Variants in MAPK9 observed in about 807,000 individuals in gnomAD.
MAPK9 encodes Jun kinase.
MAPK9 carries 30 observed loss-of-function variants against 57.1 expected under a neutral mutation model. The observed-to-expected ratio is 0.53, with a 90% CI of 0.39 to 0.71. MAPK9 has a LOEUF of 0.71. MAPK9 is among the 30% of genes least tolerant of loss of function. The pLI is 0.00. For synonymous variants in MAPK9, 155 were observed against 177.0 expected, an observed-to-expected ratio of 0.88 and a Z score of 0.99; for missense variants, 362 against 521.0, an observed-to-expected ratio of 0.69 and a Z score of 2.97.
chr5:180,258,367 G>C (rs909457238), intron 5 of MAPK9: 1 of 152,268 alleles, frequency 6.6e-6, no homozygotes, highest in Non-Finnish European at 1.5e-5. Context: ...AAGACATAAA[G>C]AGCTCACAAT....
At chr5:180,279,821 C>T (rs572039062) in intron 2 of MAPK9, 181 of 456,450 alleles carry the variant, frequency 4.0e-4, no homozygotes, top group Non-Finnish European at 6.6e-4. Context: ...GATGCTGCGG[C>T]GGCTGACCGT....
intron 11 of MAPK9, 199 bp from the exon 12 acceptor site, chr5:180,236,725 C>T (rs1323836673): frequency 2.2e-6 from 1 of 462,528 alleles, no homozygotes; most frequent in Non-Finnish European, 3.8e-6. Flanking sequence ...TCCCATATTC[C>T]TATGTCTTTC....
At chr5:180,246,497 A>G (rs1758115888) in intron 7 of MAPK9, 1 of 152,246 alleles carries the variant, frequency 6.6e-6, no homozygotes, top group African/African-American at 2.4e-5. Flanking sequence ...GATACATACA[A>G]AACACTGACT....
chr5:180,239,649 T>A (rs898202426), intron 10 of MAPK9, among the ~76,000 whole-genome samples: 2 of 152,218 alleles, frequency 1.3e-5, no homozygotes, highest in Non-Finnish European at 2.9e-5. Flanking sequence ...TATGATACAA[T>A]TACTAAGCTC....
intron 11 of MAPK9, 118 bp downstream of exon 11, chr5:180,238,214 G>A: frequency 1.5e-6 from 1 of 683,470 alleles, no homozygotes; most frequent in South Asian, 1.7e-5. Flanking sequence ...AGGTTGCAGT[G>A]AGCAGAGATC....
intron 1 of MAPK9, 128 bp downstream of exon 1, chr5:180,291,720 G>T (rs1254953103): frequency 2.7e-5 from 4 of 150,526 alleles, no homozygotes; most frequent in Non-Finnish European, 5.9e-5. Flanking sequence ...GGCGACGGCT[G>T]CGGCTGCCAG....
intron 1 of MAPK9, among the ~76,000 whole-genome samples, chr5:180,281,948 C>A (rs1220151394): frequency 2.6e-5 from 4 of 152,212 alleles, no homozygotes; most frequent in Non-Finnish European, 5.9e-5. Context: ...GCAGGAGTCT[C>A]AGTCCCGTGT....
intron 9 of MAPK9, 48 bp from the exon 10 acceptor site, chr5:180,240,035 A>G: frequency 6.8e-7 from 1 of 1,464,166 alleles, no homozygotes; most frequent in Non-Finnish European, 9.5e-7. Flanking sequence ...CTCAAAAAAA[A>G]ATGAGGCACT....
chr5:180,276,720 G>A (rs973489136), intron 2 of MAPK9, among the ~76,000 whole-genome samples: 2 of 152,160 alleles, frequency 1.3e-5, no homozygotes, highest in Non-Finnish European at 2.9e-5. Flanking sequence ...TGGGCGTGGT[G>A]GCGCACACCT....
chr5:180,247,810 A>G lies in MAPK9; in HGVS notation c.617-300T>C. 1 of 1,593,322 alleles carries G rather than the reference A, an allele frequency of 6.3e-7. No individual in the cohort carries two copies. The highest frequency in any genetic ancestry group is 8.6e-7 in the Non-Finnish European group (1 of 1,161,282). On this transcript the variant is annotated intron_variant, in intron 6 of 11. Coordinates refer to ENST00000452135, the MANE Select transcript of MAPK9 (RefSeq NM_002752.5). This position sits in a 1 kb window ranked among gnomAD's most constrained non-coding sequence, Gnocchi z 4.5. ...CAAAGCTTTTCAGGGCCACACGCCC[A>G]CCCCAGCCTCCATGGCCAAGTACCG...
chr5:180,286,360 G>T (rs1028629782), intron 1 of MAPK9, among the ~76,000 whole-genome samples: 1 of 150,812 alleles, frequency 6.6e-6, no homozygotes, highest in African/African-American at 2.4e-5. Context: ...TAGCCAGGAT[G>T]GTCTCGATCT....
intron 4 of MAPK9, among the ~76,000 whole-genome samples, chr5:180,264,070 C>T (rs1760283753): frequency 6.6e-6 from 1 of 152,142 alleles, no homozygotes; most frequent in African/African-American, 2.4e-5. Context: ...GGTCTTTCCC[C>T]AGCCACCTTA....
At chr5:180,291,772 CG>C (rs954186225) in intron 1 of MAPK9, 75 bp downstream of exon 1, 9 of 148,974 alleles carry the variant, frequency 6.0e-5, no homozygotes, top group Admixed American at 6.0e-4. Flanking sequence ...CCCGGCCGCG[CG>C]GTTCCCTCAC....
At chr5:180,251,363 G>A (rs969602012) in intron 5 of MAPK9, among the ~76,000 whole-genome samples, 10 of 152,174 alleles carry the variant, frequency 6.6e-5, no homozygotes, top group Non-Finnish European at 8.8e-5. Flanking sequence ...CCATCTCCAC[G>A]GGCTGCCTGC....
rs1236952474 is a variant in MAPK9 at position 180,250,762 on chromosome 5, C to A, written c.451-1624G>T. ...AAATGCAGTCACAATCTCTACCTGG[C>A]CCCAAAAAGAGGCCCCCAGCCCCTC... On this transcript the variant is annotated intron_variant, in intron 5 of 11. Coordinates refer to ENST00000452135, the MANE Select transcript of MAPK9 (RefSeq NM_002752.5). Among the ~76,000 whole-genome samples the A allele has an allele frequency of 2.0e-5, 3 of 152,236 alleles. No homozygotes were observed. The East Asian group carries it at 5.8e-4, about 29-fold the overall frequency.
At chr5:180,268,124 A>G (rs1479093811) in intron 3 of MAPK9, among the ~76,000 whole-genome samples, 1 of 152,224 alleles carries the variant, frequency 6.6e-6, no homozygotes, top group Non-Finnish European at 1.5e-5. Flanking sequence ...GCACCCGGCC[A>G]ACATTTTGTA....
Position 180,247,303 on chromosome 5 carries a change from C to G in MAPK9, c.688+136G>C. ...GGCTTGTGACACTAATTAACAAATA[C>G]AGTAAAGCCCCCCTTAGAACACAGT... is the stretch of plus-strand genomic sequence containing the variant. On this transcript the variant is annotated intron_variant, in intron 7 of 11. Coordinates refer to ENST00000452135, the MANE Select transcript of MAPK9 (RefSeq NM_002752.5). The surrounding 1 kb of genome is among the most constrained non-coding windows in gnomAD (Gnocchi z 4.5). 1 of 872,232 alleles carries G rather than the reference C, an allele frequency of 1.1e-6. No homozygotes were observed. Among genetic ancestry groups the G allele is most frequent in the Non-Finnish European group, 1.8e-6 (1 of 553,216 alleles). The allele number at this position is 872,232 out of a possible 1,614,324, so 54.0% of individuals were successfully genotyped here.
intron 3 of MAPK9, among the ~76,000 whole-genome samples, chr5:180,266,743 C>T (rs1197684634): frequency 1.3e-5 from 2 of 152,024 alleles, no homozygotes; most frequent in East Asian, 1.9e-4. Context: ...GTGACCGTGC[C>T]CAGCTTCTCA....
intron 8 of MAPK9, among the ~76,000 whole-genome samples, chr5:180,241,710 C>CT (rs1757674843): frequency 6.6e-6 from 1 of 152,240 alleles, no homozygotes; most frequent in Admixed American, 6.5e-5. Context: ...ACCTGGGCTC[C>CT]CAGGGTGGTG....
Sources: gnomAD v4.1 joint callset for allele counts (sites outside exome capture counted in the v4.1 genomes callset) on GRCh38, gnomAD v4.1.1 for gene constraint, Gnocchi (gnomAD v3.1) non-coding constraint, MANE v1.5 for transcripts, NCBI Gene and HGNC (gene_info 2026-07-23, HGNC 2026-07-21) for gene names.